ARAP2: variants seen among roughly 807,000 people sequenced by gnomAD.
ARAP2 encodes arf-GAP with Rho-GAP domain, ANK repeat and PH domain-containing protein 2.
A neutral mutation model predicts 194.5 loss-of-function variants in ARAP2; 148 were observed. The observed-to-expected ratio is 0.76, with a 90% CI of 0.67 to 0.87. ARAP2 has a LOEUF of 0.87. ARAP2 is among the 40% of genes least tolerant of loss of function. ARAP2 has a pLI of 0.00. For missense variants in ARAP2, 2,128 were observed against 1,989.7 expected, an observed-to-expected ratio of 1.07 and a Z score of -1.32; for synonymous variants, 695 against 683.5, an observed-to-expected ratio of 1.02 and a Z score of -0.26.
intron 19 of ARAP2, among the ~76,000 whole-genome samples, chr4:36,146,444 T>C (rs988572734): frequency 1.3e-5 from 2 of 152,012 alleles, no homozygotes; most frequent in Non-Finnish European, 2.9e-5. Flanking sequence ...AGGTTGTGGG[T>C]ATCTCTGAAA....
intron 5 of ARAP2, among the ~76,000 whole-genome samples, chr4:36,211,936 A>G (rs1746847206): frequency 6.6e-6 from 1 of 152,130 alleles, no homozygotes; most frequent in South Asian, 2.1e-4. Context: ...AAGTTGGTGC[A>G]TACAAATTCT....
At chr4:36,088,599 T>C (rs1712587339) in intron 28 of ARAP2, among the ~76,000 whole-genome samples, 1 of 152,128 alleles carries the variant, frequency 6.6e-6, no homozygotes, top group Non-Finnish European at 1.5e-5. Context: ...GAATTCAGGC[T>C]GTTTTATTAG....
At chr4:36,039,934 G>T (rs1163234159) in intron 5 of ARAP2, among the ~76,000 whole-genome samples, 1 of 152,062 alleles carries the variant, frequency 6.6e-6, no homozygotes. Context: ...AAAGAAAACA[G>T]TGAATTGTGG....
chr4:36,005,890 T>A (rs1273277445), intron 10 of ARAP2: 1 of 152,178 alleles, frequency 6.6e-6, no homozygotes, highest in Non-Finnish European at 1.5e-5. Flanking sequence ...TCTCTCAGGG[T>A]AGACCAGTGG....
intron 16 of ARAP2, among the ~76,000 whole-genome samples, chr4:36,149,214 T>G (rs1401701885): frequency 6.6e-6 from 1 of 152,142 alleles, no homozygotes; most frequent in Admixed American, 6.6e-5. Flanking sequence ...TTGTATCCCC[T>G]TCATGTCCTA....
intron 6 of ARAP2, among the ~76,000 whole-genome samples, chr4:36,194,189 A>G (rs1279200257): frequency 1.3e-5 from 2 of 152,220 alleles, no homozygotes; most frequent in Non-Finnish European, 2.9e-5. Context: ...AAAGATTAGT[A>G]TATTTTTTAA....
chr4:36,154,385 A>G (rs970736155), intron 15 of ARAP2, among the ~76,000 whole-genome samples: 2 of 152,192 alleles, frequency 1.3e-5, no homozygotes, highest in African/African-American at 4.8e-5. Context: ...AAATTCCTCA[A>G]TGCTAATTTA....
At chr4:36,225,766 C>T (rs1033515739) in intron 2 of ARAP2, among the ~76,000 whole-genome samples, 3 of 152,096 alleles carry the variant, frequency 2.0e-5, no homozygotes, top group African/African-American at 7.2e-5. Context: ...TATCCACATT[C>T]CTTTGAGCAG....
Position 36,187,469 on chromosome 4 carries a change from A to T in ARAP2, c.1660T>A (p.Phe554Ile). 1 of 1,452,186 alleles carries T rather than the reference A, an allele frequency of 6.9e-7. No individual in the cohort carries two copies. The allele number at this position is 1,452,186 out of a possible 1,614,324, so 90.0% of individuals were successfully genotyped here. A position where few individuals can be genotyped will look rare whatever the true frequency, so the allele number is the denominator to read the frequency against. ...EVVTTQRTFV[F>I]RVEKEEERND... ...ATCTCACCTTCTTTTTCTACTCTAA[A>T]AACAAAAGTTCTTTGTGTTGTAACA... Residue 554 changes from phenylalanine (F) to isoleucine (I), a missense_variant, in exon 8 of 33, where the codon TTT (phenylalanine) becomes ATT (isoleucine). Physicochemically the swap from Phe to Ile is conservative, Grantham distance 21 (BLOSUM62 0). Coordinates refer to ENST00000303965, the MANE Select transcript of ARAP2 (RefSeq NM_015230.4).
intron 6 of ARAP2, among the ~76,000 whole-genome samples, chr4:36,199,087 C>A (rs1041774763): frequency 6.6e-6 from 1 of 152,226 alleles, no homozygotes; most frequent in Non-Finnish European, 1.5e-5. Context: ...AGGGCTCCCA[C>A]TTGTCCTTGG....
chr4:36,196,631 T>C (rs1743166570), intron 6 of ARAP2, among the ~76,000 whole-genome samples: 2 of 152,090 alleles, frequency 1.3e-5, no homozygotes, highest in African/African-American at 2.4e-5. Flanking sequence ...CACAGTGAAA[T>C]GGAATGAGAA....
At chr4:36,231,228 C>T (rs1751390844) in intron 1 of ARAP2, among the ~76,000 whole-genome samples, 3 of 151,950 alleles carry the variant, frequency 2.0e-5, no homozygotes, top group South Asian at 2.1e-4. Flanking sequence ...CCCAGCTACT[C>T]GGGAGGCTGA....
Position 36,158,861 on chromosome 4 carries a change from A to C in ARAP2, c.2621T>G (p.Phe874Cys), listed in dbSNP as rs747151635. The change falls in exon 15 of 33, where the codon TTC (phenylalanine) becomes TGC (cysteine). Residue 874 changes from phenylalanine (F) to cysteine (C), a missense_variant. Physicochemically the swap from Phe to Cys is radical, Grantham distance 205. Coordinates refer to ENST00000303965, the MANE Select transcript of ARAP2 (RefSeq NM_015230.4). Reference protein sequence around the residue: ...EFLYHNKFSDFPQHDIHSEGV... With the variant: ...EFLYHNKFSDCPQHDIHSEGV... ...CTCGGAATGAATATCATGTTGAGGGAAATCTAGAAAAATTAAAGAAATAAG... is the reference window on the plus strand; with the variant it reads ...CTCGGAATGAATATCATGTTGAGGGCAATCTAGAAAAATTAAAGAAATAAG... The C allele has an allele frequency of 8.9e-6, 14 of 1,578,154 alleles. No homozygotes were observed.
intron 3 of ARAP2, chr4:36,047,270 G>A (rs1007350026): frequency 6.6e-6 from 1 of 152,310 alleles, no homozygotes; most frequent in African/African-American, 2.4e-5. Flanking sequence ...ACCAATGCAA[G>A]CTTTCACCAG....
intron 6 of ARAP2, among the ~76,000 whole-genome samples, chr4:36,198,499 G>T (rs6812068): frequency 6.6e-6 from 1 of 152,304 alleles, no homozygotes; most frequent in African/African-American, 2.4e-5. Flanking sequence ...TGTTCATGGC[G>T]CCCAGGCTGT....
intron 32 of ARAP2, among the ~76,000 whole-genome samples, chr4:36,073,186 C>A (rs1553887719): frequency 6.6e-6 from 1 of 152,080 alleles, no homozygotes; most frequent in Non-Finnish European, 1.5e-5. Context: ...AGAAGGAAAA[C>A]AAACAGTAGC....
At chr4:36,061,603 T>C (rs1724453352), downstream of ARAP2, among the ~76,000 whole-genome samples, 1 of 152,226 alleles carries the variant, frequency 6.6e-6, no homozygotes, top group Admixed American at 6.5e-5. Flanking sequence ...TTCCATATTT[T>C]GGCTACTGCT....
intron 2 of ARAP2, among the ~76,000 whole-genome samples, chr4:36,217,047 T>A (rs190397502): frequency 6.6e-6 from 1 of 152,340 alleles, no homozygotes; most frequent in Admixed American, 6.5e-5. Context: ...GAAACAGGGA[T>A]GGACTGTATA....
chr4:36,047,187 G>C (rs557774161), intron 3 of ARAP2: 2 of 152,350 alleles, frequency 1.3e-5, no homozygotes, highest in East Asian at 3.9e-4. Context: ...GTGGAGACCA[G>C]GTTTTCAGCT....
Sources: gnomAD v4.1 joint callset for allele counts (sites outside exome capture counted in the v4.1 genomes callset) on GRCh38, gnomAD v4.1.1 for gene constraint, MANE v1.5 for transcripts, NCBI Gene and HGNC (gene_info 2026-07-23, HGNC 2026-07-21) for gene names.